Variants in COMMD1 observed in about 807,000 individuals in gnomAD.
COMMD1 encodes copper metabolism domain containing 1.
Under a neutral mutation model 17.2 loss-of-function variants are expected in COMMD1, and 10 were observed. The observed-to-expected ratio is 0.58, with a 90% CI of 0.36 to 0.99. COMMD1 has a LOEUF of 0.99. Among genes scored for constraint, COMMD1 ranks in the 50% least tolerant of loss-of-function variants. The pLI is 0.01. For synonymous variants in COMMD1, 97 were observed against 91.6 expected, an observed-to-expected ratio of 1.06 and a Z score of -0.34; for missense variants, 270 against 231.8, an observed-to-expected ratio of 1.17 and a Z score of -1.07.
At chr2:62,072,384 A>G (rs1671221152) in intron 2 of COMMD1, among the ~76,000 whole-genome samples, 1 of 152,238 alleles carries the variant, frequency 6.6e-6, no homozygotes, top group African/African-American at 2.4e-5. Flanking sequence ...TTCTGAGCCC[A>G]TAAAAACCCT....
intron 1 of COMMD1, among the ~76,000 whole-genome samples, chr2:61,890,013 G>A (rs1219931167): frequency 1.3e-5 from 2 of 152,150 alleles, no homozygotes; most frequent in Admixed American, 1.3e-4. Flanking sequence ...CCAATACAAA[G>A]CAAGGACCAG....
chr2:61,992,867 C>G (rs938138439), intron 1 of COMMD1, among the ~76,000 whole-genome samples: 9 of 152,108 alleles, frequency 5.9e-5, no homozygotes, highest in African/African-American at 2.2e-4. Flanking sequence ...TGCAGAGTTC[C>G]TGTGTTTTTA....
chr2:62,075,419 C>G (rs1671313159), intron 2 of COMMD1, among the ~76,000 whole-genome samples: 1 of 152,152 alleles, frequency 6.6e-6, no homozygotes, highest in Admixed American at 6.5e-5. Flanking sequence ...TCACTCCCAT[C>G]CTGCAACTTG....
intron 2 of COMMD1, among the ~76,000 whole-genome samples, chr2:62,113,440 G>T (rs1410914038): frequency 6.6e-6 from 1 of 152,000 alleles, no homozygotes; most frequent in Non-Finnish European, 1.5e-5. Context: ...ACAGAGTCTC[G>T]CTCTGTCACC....
chr2:62,110,061 A>C (rs112548177), intron 2 of COMMD1, among the ~76,000 whole-genome samples: 15 of 150,894 alleles, frequency 9.9e-5, no homozygotes, highest in African/African-American at 3.7e-4. Flanking sequence ...ATCTAGCCCT[A>C]CATAATCTAC....
chr2:62,007,473 T>G (rs541344359), intron 2 of COMMD1, among the ~76,000 whole-genome samples: 3 of 152,352 alleles, frequency 2.0e-5, no homozygotes, highest in African/African-American at 7.2e-5. Flanking sequence ...CTAAATACAA[T>G]CATGCTCTGC....
At chr2:61,956,412 A>AT (rs1408294479) in intron 1 of COMMD1, among the ~76,000 whole-genome samples, 143 of 146,328 alleles carry the variant, frequency 9.8e-4, no homozygotes, top group Middle Eastern at 3.6e-3. Flanking sequence ...TCCTTGTAAA[A>AT]TTTTTTTTTT....
intron 2 of COMMD1, among the ~76,000 whole-genome samples, chr2:62,129,719 G>A (rs1672973329): frequency 6.6e-6 from 1 of 152,200 alleles, no homozygotes; most frequent in African/African-American, 2.4e-5. Context: ...ATTCTTGAGT[G>A]CTTGCTCTCC....
At chr2:62,047,819 T>G (rs74459150) in intron 2 of COMMD1, among the ~76,000 whole-genome samples, 7,496 of 152,220 alleles carry the variant, frequency 0.049, 637 homozygotes, top group African/African-American at 0.17. Context: ...ATTTTTTGTA[T>G]TTTTATACTG....
intron 2 of COMMD1, among the ~76,000 whole-genome samples, chr2:62,042,965 T>A (rs1670280731): frequency 1.3e-5 from 2 of 152,226 alleles, no homozygotes; most frequent in Admixed American, 1.3e-4. Context: ...TCAAACCTAT[T>A]TTTTCTGTGA....
At chr2:61,962,527 AC>A (rs917652368) in intron 1 of COMMD1, among the ~76,000 whole-genome samples, 3 of 152,172 alleles carry the variant, frequency 2.0e-5, no homozygotes, top group Admixed American at 1.3e-4. Context: ...ATGCAGTATC[AC>A]CCTGACCTCC....
intron 1 of COMMD1, among the ~76,000 whole-genome samples, chr2:61,974,677 A>G (rs1026774178): frequency 4.6e-5 from 7 of 151,890 alleles, no homozygotes; most frequent in Non-Finnish European, 8.8e-5. Flanking sequence ...ATCTCAAAAA[A>G]AAAAAAAAAA....
intron 1 of COMMD1, among the ~76,000 whole-genome samples, chr2:61,971,676 G>A (rs1671655546): frequency 6.6e-6 from 1 of 152,006 alleles, no homozygotes; most frequent in African/African-American, 2.4e-5. Context: ...CTTTTGCCTT[G>A]GCCTCCCAAA....
At chr2:62,009,234 A>G (rs1669211301) in intron 2 of COMMD1, among the ~76,000 whole-genome samples, 1 of 152,214 alleles carries the variant, frequency 6.6e-6, no homozygotes, top group Non-Finnish European at 1.5e-5. Flanking sequence ...TGTGTTCTAA[A>G]GTTATGGTCT....
chr2:62,070,800 C>T (rs1015628932), intron 2 of COMMD1, among the ~76,000 whole-genome samples: 3 of 152,102 alleles, frequency 2.0e-5, no homozygotes, highest in African/African-American at 7.2e-5. Flanking sequence ...GAGGCCAAGG[C>T]GTGCAGATCA....
intron 2 of COMMD1, among the ~76,000 whole-genome samples, chr2:62,059,356 A>C (rs562476799): frequency 2.6e-5 from 4 of 151,762 alleles, no homozygotes; most frequent in Non-Finnish European, 5.9e-5. Flanking sequence ...TTGTCTCACT[A>C]TGTTGCCCAG....
chr2:61,962,862 T>C (rs1671393393), intron 1 of COMMD1, among the ~76,000 whole-genome samples: 1 of 152,038 alleles, frequency 6.6e-6, no homozygotes, highest in Non-Finnish European at 1.5e-5. Flanking sequence ...CTTTTTGCTA[T>C]AATCAAACTA....
At chr2:61,934,565 A>AT (rs1019860095) in intron 1 of COMMD1, among the ~76,000 whole-genome samples, 1 of 152,168 alleles carries the variant, frequency 6.6e-6, no homozygotes, top group East Asian at 1.9e-4. Context: ...TCAAAAAAAA[A>AT]TTTTTTTTAT....
intron 2 of COMMD1, among the ~76,000 whole-genome samples, chr2:62,018,971 A>G (rs548897558): frequency 2.5e-4 from 38 of 152,004 alleles, no homozygotes; most frequent in African/African-American, 8.7e-4. Flanking sequence ...GTGTCCTCAC[A>G]TGGTAGAAGA....
Sources: gnomAD v4.1 joint callset for allele counts (sites outside exome capture counted in the v4.1 genomes callset) on GRCh38, gnomAD v4.1.1 for gene constraint, MANE v1.5 for transcripts, NCBI Gene and HGNC (gene_info 2026-07-23, HGNC 2026-07-21) for gene names.